The following FAM3B variants were observed in gnomAD, a reference collection of about 807,000 sequenced individuals.
The protein encoded by FAM3B is protein FAM3B.
FAM3B carries 29 observed loss-of-function variants against 28.4 expected under a neutral mutation model. That is an observed-to-expected ratio of 1.02 (90% confidence interval 0.76 to 1.39). FAM3B has a LOEUF of 1.39. Ranked by LOEUF, FAM3B falls within the 40% of genes most tolerant of loss-of-function variation. The pLI is 0.00. For synonymous variants in FAM3B, 91 were observed against 103.0 expected (o/e 0.88, Z 0.71); for missense variants, 266 against 293.9 (o/e 0.91, Z 0.69).
At chr21:41,349,102 A>G (rs2089090987) in intron 7 of FAM3B, among the ~76,000 whole-genome samples, 1 of 152,210 alleles carries the variant, frequency 6.6e-6, no homozygotes, top group South Asian at 2.1e-4. Flanking sequence ...AACAGGCTGG[A>G]CACCAAATCA....
chr21:41,352,206 G>A lies in FAM3B; in HGVS notation c.618+3482G>A, dbSNP rs117804949. ...GGCTGCTCTTACCATACCCTGCAGC[G>A]CTTTGCCACTATGCTGGCTCTGTTC... is the stretch of plus-strand genomic sequence containing the variant. On this transcript the variant is annotated intron_variant, in intron 7 of 7. Transcript: ENST00000357985. Among the ~76,000 whole-genome samples, 61 of 152,268 alleles carry A rather than the reference G, an allele frequency of 4.0e-4. 1 individual carries two copies. The East Asian group carries it at 0.011, about 28-fold the overall frequency.
Position 41,357,293 on chromosome 21 carries a change from A to G in FAM3B, c.*96A>G. Reference sequence around the variant, plus strand: ...TTCTAAATCCAACAGCCCATATTTGATGAGTATTTTGGGTTTGTTGTAAAC... The same window carrying G: ...TTCTAAATCCAACAGCCCATATTTGGTGAGTATTTTGGGTTTGTTGTAAAC... On this transcript the variant is annotated 3_prime_UTR_variant, in exon 8 of 8. Coordinates refer to ENST00000357985, the MANE Select transcript of FAM3B (RefSeq NM_058186.4). 1.3e-6 allele frequency: 1 copy of G among 782,062 alleles called. No individual in the cohort carries two copies. Among genetic ancestry groups the G allele is most frequent in the South Asian group, 2.1e-5 (1 of 47,822 alleles). 48.4% of individuals were successfully genotyped at this position (782,062 alleles called of 1,614,324 possible). A position where few individuals can be genotyped will look rare whatever the true frequency, so the allele number is the denominator to read the frequency against.
At chr21:41,353,830 C>A (rs2089141813) in intron 7 of FAM3B, among the ~76,000 whole-genome samples, 1 of 152,094 alleles carries the variant, frequency 6.6e-6, no homozygotes, top group South Asian at 2.1e-4. Context: ...TTTGTCCTTC[C>A]AGCAAAAGAA....
intron 2 of FAM3B, among the ~76,000 whole-genome samples, chr21:41,337,529 G>A (rs1414044353): frequency 6.6e-6 from 1 of 152,224 alleles, no homozygotes; most frequent in Non-Finnish European, 1.5e-5. Context: ...TGACATCATA[G>A]CGTCCTGGGC....
At chr21:41,349,451 A>C (rs2089094345) in intron 7 of FAM3B, among the ~76,000 whole-genome samples, 1 of 152,096 alleles carries the variant, frequency 6.6e-6, no homozygotes, top group South Asian at 2.1e-4. Flanking sequence ...AAGGCGCGAG[A>C]CTTCCCCACT....
chr21:41,311,726 A>C (rs2088715289), intron 1 of FAM3B, among the ~76,000 whole-genome samples: 1 of 152,190 alleles, frequency 6.6e-6, no homozygotes, highest in Non-Finnish European at 1.5e-5. Flanking sequence ...GTAGGTGTGG[A>C]GAAAACTAGT....
intron 1 of FAM3B, 75 bp from the exon 2 acceptor site, chr21:41,322,848 G>C (rs778978793): frequency 7.4e-6 from 12 of 1,611,556 alleles, no homozygotes; most frequent in Non-Finnish European, 1.0e-5. Context: ...AAAAGCCACA[G>C]GGGGGATGGG....
At position 41,347,757 on chromosome 21, in the gene FAM3B, A is replaced by T. The variant is rs538573884; in HGVS notation, c.485+657A>T. The stretch of plus-strand genomic sequence containing the variant: ...ACAGAGCGAGACTGTCTCAAAAAAA[A>T]AAAAAAAAAAAAGAGGAAAAGAATA... On this transcript the variant is annotated intron_variant, in intron 6 of 7. Coordinates refer to ENST00000357985, the MANE Select transcript of FAM3B (RefSeq NM_058186.4). Among the ~76,000 whole-genome samples the T allele has an allele frequency of 3.3e-3, 380 of 116,532 alleles. 1 individual carries two copies. The highest frequency in any genetic ancestry group is 4.9e-3 in the Non-Finnish European group (309 of 62,842). 76.4% of individuals were successfully genotyped at this position (116,532 alleles called of 152,430 possible).
rs993448287 is a variant in FAM3B, at chr21:41,322,797, A to G, written c.20-126A>G. Reference sequence around the variant, plus strand: ...ACCCTGGGAGCCTCCTCCCAGGAGCACAGTGCCTATAGCGCAGTCCCCTGA... The same window carrying G: ...ACCCTGGGAGCCTCCTCCCAGGAGCGCAGTGCCTATAGCGCAGTCCCCTGA... On this transcript the variant is annotated intron_variant, in intron 1 of 7. Transcript: ENST00000357985. 2 of 1,434,464 alleles carry G rather than the reference A, an allele frequency of 1.4e-6. 1 individual carries two copies. Among genetic ancestry groups the G allele is most frequent in the Non-Finnish European group, 1.9e-6 (2 of 1,026,216 alleles). 88.9% of individuals were successfully genotyped at this position (1,434,464 alleles called of 1,614,324 possible). A position where few individuals can be genotyped will look rare whatever the true frequency, so the allele number is the denominator to read the frequency against.
At chr21:41,321,422 G>A (rs966314688) in intron 1 of FAM3B, among the ~76,000 whole-genome samples, 4 of 152,314 alleles carry the variant, frequency 2.6e-5, no homozygotes, top group East Asian at 1.9e-4. Flanking sequence ...AACCGTTGGC[G>A]CAGCTGCGGG....
exon 1 of FAM3B, chr21:41,304,267 G>C (rs951739091): frequency 8.8e-6 from 4 of 456,046 alleles, no homozygotes; most frequent in African/African-American, 8.0e-5. Context: ...GGGCACCCTG[G>C]CGCCATCTTT....
chr21:41,336,015 G>A (rs1429758611), intron 2 of FAM3B, among the ~76,000 whole-genome samples: 3 of 152,172 alleles, frequency 2.0e-5, no homozygotes, highest in Middle Eastern at 3.2e-3. Context: ...TTAAGAGGTA[G>A]GGCCTTTTGG....
intron 2 of FAM3B, among the ~76,000 whole-genome samples, chr21:41,332,300 G>T (rs2088913454): frequency 6.6e-6 from 1 of 152,166 alleles, no homozygotes; most frequent in African/African-American, 2.4e-5. Context: ...GCAGGACCAT[G>T]AGCCAATTAA....
chr21:41,356,040 T>TACAC (rs59345837), intron 7 of FAM3B, among the ~76,000 whole-genome samples: 6,045 of 119,778 alleles, frequency 0.05, 150 homozygotes, highest in Middle Eastern at 0.1. Flanking sequence ...AAAAAATACA[T>TACAC]ACACACACAC....
Position 41,338,304 on chromosome 21 carries a change from C to G in FAM3B, c.164-74C>G, listed in dbSNP as rs1041616869. ...GTTTCTGGTATGAAGTGCTGGTGTT[C>G]TCCGCCAAGCAGCAGGTGCATCTGT... On this transcript the variant is annotated intron_variant, in intron 2 of 7. Transcript: ENST00000357985. 1.9e-6 allele frequency: 3 copies of G among 1,567,292 alleles called. No homozygotes were observed. In the African/African-American group the frequency reaches 4.1e-5, roughly 21 times the overall value.
chr21:41,324,440 G>T (rs1219113829), intron 2 of FAM3B, among the ~76,000 whole-genome samples: 2 of 152,188 alleles, frequency 1.3e-5, no homozygotes, highest in African/African-American at 4.8e-5. Flanking sequence ...GGCCAGTAAA[G>T]TCACAGGAAC....
intron 1 of FAM3B, 30 bp from the exon 2 acceptor site, chr21:41,322,893 C>T (rs200330255): frequency 1.2e-6 from 2 of 1,614,212 alleles, no homozygotes; most frequent in Non-Finnish European, 8.5e-7. Flanking sequence ...CCAAGTCGTT[C>T]ACAGCAGCTG....
At chr21:41,307,645 G>T (rs1482513932) in intron 1 of FAM3B, among the ~76,000 whole-genome samples, 1 of 152,114 alleles carries the variant, frequency 6.6e-6, no homozygotes, top group African/African-American at 2.4e-5. Context: ...TTATTAATTG[G>T]TCTAATTCAA....
chr21:41,308,098 G>A (rs2088691107), intron 1 of FAM3B, among the ~76,000 whole-genome samples: 1 of 152,172 alleles, frequency 6.6e-6, no homozygotes, highest in Non-Finnish European at 1.5e-5. Context: ...TACATAACTT[G>A]TTTCTAAATC....
Sources: allele counts gnomAD v4.1 joint callset (sites outside exome capture counted in the v4.1 genomes callset), GRCh38; gene constraint gnomAD v4.1.1; transcripts MANE v1.5; gene names NCBI Gene and HGNC (gene_info 2026-07-23, HGNC 2026-07-21).